The following PCDHGC5 variants were observed in gnomAD, a reference collection of about 807,000 sequenced individuals.
The protein encoded by PCDHGC5 is protocadherin gamma-C5.
Under a neutral mutation model 59.0 loss-of-function variants are expected in PCDHGC5, and 25 were observed. The ratio of observed to expected loss-of-function variants is 0.42; its 90% CI spans 0.31 to 0.59. PCDHGC5 has a LOEUF of 0.59. PCDHGC5 is among the 20% of genes least tolerant of loss of function. PCDHGC5 has a pLI of 0.13. For synonymous variants in PCDHGC5, 434 were observed against 505.5 expected (o/e 0.86, Z 1.90); for missense variants, 1,067 against 1,206.4 (o/e 0.88, Z 1.71).
rs1300601208 is a variant in PCDHGC5 at position 141,499,206 on chromosome 5, AC to A, written c.2519+4344del. On this transcript the variant is annotated intron_variant, in intron 2 of 3. Transcript: ENST00000252087. ...ACCATTTCCCCCTTCTTAGGCTGTA[AC>A]CCAGGCCCTGCCCTGCAGCTGTCCC... Among the ~76,000 whole-genome samples the A allele has an allele frequency of 3.3e-5, 5 of 152,062 alleles. No homozygotes were observed. In the East Asian group the frequency reaches 7.7e-4, roughly 24 times the overall value.
chr5:141,511,391 C>G lies in PCDHGC5; in HGVS notation c.*218C>G. ...TGCAAAAGCAGTTCCGCTGGGAACC[C>G]CCATCCAATCAACTGCTGTACCCAT... is the stretch of plus-strand genomic sequence containing the variant. On this transcript the variant is annotated 3_prime_UTR_variant, in exon 4 of 4. Coordinates refer to ENST00000252087, the MANE Select transcript of PCDHGC5 (RefSeq NM_018929.3). 2.8e-6 allele frequency: 3 copies of G among 1,079,748 alleles called. No homozygotes were observed. The highest frequency in any genetic ancestry group is 3.3e-5 in the South Asian group (2 of 60,136). The allele number at this position is 1,079,748 out of a possible 1,614,324, so 66.9% of individuals were successfully genotyped here. A position where few individuals can be genotyped will look rare whatever the true frequency, so the allele number is the denominator to read the frequency against.
At chr5:141,510,447 C>T (rs1270073364) in intron 3 of PCDHGC5, among the ~76,000 whole-genome samples, 1 of 152,026 alleles carries the variant, frequency 6.6e-6, no homozygotes, top group Non-Finnish European at 1.5e-5. Flanking sequence ...CTCCAGGAGC[C>T]CATGGTCTAG....
At chr5:141,499,648 CAT>C (rs1434824310) in intron 2 of PCDHGC5, among the ~76,000 whole-genome samples, 2 of 148,784 alleles carry the variant, frequency 1.3e-5, no homozygotes, top group Admixed American at 6.7e-5. Flanking sequence ...TCTCAGACAT[CAT>C]ATAATTTCAT....
intron 2 of PCDHGC5, among the ~76,000 whole-genome samples, chr5:141,504,713 G>A (rs1443171981): frequency 1.3e-5 from 2 of 151,850 alleles, no homozygotes; most frequent in African/African-American, 2.4e-5. Context: ...TATGGCCGTG[G>A]ATTTTACTCT....
At position 141,491,067 on chromosome 5, in the gene PCDHGC5, G is replaced by T. The variant is rs752758445; in HGVS notation, c.1827G>T (p.Leu609=). Residue 609 remains leucine, a synonymous_variant, in exon 1 of 4, where the codon CTG becomes CTT. Transcript: ENST00000252087. The surrounding 1 kb of genome is among the most constrained non-coding windows in gnomAD (Gnocchi z 6.9). Reference sequence around the variant, plus strand: ...ACAATGCGTGGCTCTCCTACTCACTGTTGCCACAGTCCACAGCCCCAGGAC... The same window carrying T: ...ACAATGCGTGGCTCTCCTACTCACTTTTGCCACAGTCCACAGCCCCAGGAC... ...AGHNAWLSYS[L]LPQSTAPGLF... 1.2e-6 allele frequency: 2 copies of T among 1,614,200 alleles called. No homozygotes were observed. The highest frequency in any genetic ancestry group is 1.7e-6 in the Non-Finnish European group (2 of 1,180,040).
intron 2 of PCDHGC5, 36 bp from the exon 3 acceptor site, chr5:141,505,357 T>A (rs1026098450): frequency 6.2e-7 from 1 of 1,613,762 alleles, no homozygotes; most frequent in African/African-American, 1.3e-5. Context: ...TGTGCCGGCC[T>A]GGGAGTCTGT....
In PCDHGC5 at chr5:141,489,189, C is replaced by A; in HGVS notation, c.-52C>A. 1 of 1,341,534 alleles carries A rather than the reference C, an allele frequency of 7.5e-7. No homozygotes were observed. The highest frequency in any genetic ancestry group is 1.0e-6 in the Non-Finnish European group (1 of 975,280). 83.1% of individuals were successfully genotyped at this position (1,341,534 alleles called of 1,614,324 possible). A position where few individuals can be genotyped will look rare whatever the true frequency, so the allele number is the denominator to read the frequency against. On this transcript the variant is annotated 5_prime_UTR_variant, in exon 1 of 4. Transcript: ENST00000252087. This position sits in a 1 kb window ranked among gnomAD's most constrained non-coding sequence, Gnocchi z 4.5. ...TGCTGCATTCCAAGCCCTGGGTCTA[C>A]CTTGGAGACAGGACAGCACAGACTT...
chr5:141,489,592 C>A lies in PCDHGC5; in HGVS notation c.352C>A (p.Arg118Ser), dbSNP rs747085985. The change falls in exon 1 of 4, where the codon CGT (arginine) becomes AGT (serine). Residue 118 changes from arginine to serine, a missense_variant. Coordinates refer to ENST00000252087, the MANE Select transcript of PCDHGC5 (RefSeq NM_018929.3). The surrounding 1 kb of genome is among the most constrained non-coding windows in gnomAD (Gnocchi z 4.5). ...VVTEHPLELIRVEVEILDLND... is the reference protein window; with the variant it reads ...VVTEHPLELISVEVEILDLND... ...GACTGAACACCCCCTGGAGCTAATCCGTGTAGAGGTAGAGATCCTGGATCT... is the reference window on the plus strand; with the variant it reads ...GACTGAACACCCCCTGGAGCTAATCAGTGTAGAGGTAGAGATCCTGGATCT... 3 of 1,614,046 alleles carry A rather than the reference C, an allele frequency of 1.9e-6. No homozygotes were observed. Among genetic ancestry groups the A allele is most frequent in the Non-Finnish European group, 2.5e-6 (3 of 1,179,978 alleles).
intron 2 of PCDHGC5, among the ~76,000 whole-genome samples, chr5:141,503,388 A>C (rs1456500896): frequency 6.6e-6 from 1 of 152,004 alleles, no homozygotes; most frequent in East Asian, 1.9e-4. Flanking sequence ...TGAGGTCAGG[A>C]GTTCGAAACC....
At chr5:141,503,802 G>A (rs2099831646) in intron 2 of PCDHGC5, among the ~76,000 whole-genome samples, 1 of 151,998 alleles carries the variant, frequency 6.6e-6, no homozygotes, top group South Asian at 2.1e-4. Context: ...CTTAGGGACG[G>A]GGAATCCCAG....
intron 3 of PCDHGC5, among the ~76,000 whole-genome samples, chr5:141,507,777 CT>C (rs1213538221): frequency 6.6e-6 from 1 of 152,220 alleles, no homozygotes; most frequent in Admixed American, 6.5e-5. Context: ...CACACAGGGC[CT>C]GACCCTCGTC....
rs750233767 is a variant in PCDHGC5 at position 141,490,877 on chromosome 5, C to A, written c.1637C>A (p.Ala546Asp). 1 of 1,613,880 alleles carries A rather than the reference C, an allele frequency of 6.2e-7. No individual in the cohort carries two copies. Among genetic ancestry groups the A allele is most frequent in the Non-Finnish European group, 8.5e-7 (1 of 1,179,900 alleles). The change falls in exon 1 of 4, where the codon GCC (alanine) becomes GAC (aspartate). Residue 546 changes from alanine (A) to aspartate (D), a missense_variant. Coordinates refer to ENST00000252087, the MANE Select transcript of PCDHGC5 (RefSeq NM_018929.3). This position sits in a 1 kb window ranked among gnomAD's most constrained non-coding sequence, Gnocchi z 5.4. ...VRDSGSPPLH[A>D]NTSLHVFVLD... Reference sequence around the variant, plus strand: ...GACTCCGGCTCTCCCCCATTGCATGCCAACACATCTCTGCATGTGTTTGTC... The same window carrying A: ...GACTCCGGCTCTCCCCCATTGCATGACAACACATCTCTGCATGTGTTTGTC...
At position 141,491,904 on chromosome 5, in the gene PCDHGC5, G is replaced by C; in HGVS notation, c.2460+204G>C. The C allele has an allele frequency of 7.0e-7, 1 of 1,423,838 alleles. No individual in the cohort carries two copies. The allele number at this position is 1,423,838 out of a possible 1,614,324, so 88.2% of individuals were successfully genotyped here. ...GGATGGGGCTCCGAGCACCGGGGGT[G>C]GTGGCGACTGTGGGCGAGGGGAGGT... On this transcript the variant is annotated intron_variant, in intron 1 of 3. Coordinates refer to ENST00000252087, the MANE Select transcript of PCDHGC5 (RefSeq NM_018929.3). This position sits in a 1 kb window ranked among gnomAD's most constrained non-coding sequence, Gnocchi z 6.9.
intron 3 of PCDHGC5, chr5:141,507,285 C>T (rs80317708): frequency 2.7e-5 from 4 of 150,212 alleles, no homozygotes; most frequent in African/African-American, 7.4e-5. Flanking sequence ...ATAAGTCAGT[C>T]TCAAATGTTG....
chr5:141,502,900 T>C (rs1433421797), intron 2 of PCDHGC5, among the ~76,000 whole-genome samples: 2 of 147,288 alleles, frequency 1.4e-5, no homozygotes, highest in Non-Finnish European at 3.0e-5. Flanking sequence ...TCTAGCTCTG[T>C]TGCCAGGCTG....
chr5:141,506,266 T>A (rs1397052417), intron 3 of PCDHGC5, among the ~76,000 whole-genome samples: 1 of 151,862 alleles, frequency 6.6e-6, no homozygotes, highest in Non-Finnish European at 1.5e-5. Context: ...CTGGCCAACA[T>A]AGTGAAACCC....
In PCDHGC5 at chr5:141,491,770, G is replaced by A; in HGVS notation, c.2460+70G>A. 6.4e-7 allele frequency: 1 copy of A among 1,560,888 alleles called. No individual in the cohort carries two copies. Among genetic ancestry groups the A allele is most frequent in the Non-Finnish European group, 8.7e-7 (1 of 1,154,942 alleles). On this transcript the variant is annotated intron_variant, in intron 1 of 3. Coordinates refer to ENST00000252087, the MANE Select transcript of PCDHGC5 (RefSeq NM_018929.3). This position sits in a 1 kb window ranked among gnomAD's most constrained non-coding sequence, Gnocchi z 6.9. ...TGGAGAAGCCGCCCGTCCTCATAAG[G>A]GATTGAACTTGCATCCACTCCTCTC...
At chr5:141,499,007 AG>A (rs2099788320) in intron 2 of PCDHGC5, among the ~76,000 whole-genome samples, 1 of 151,128 alleles carries the variant, frequency 6.6e-6, no homozygotes, top group Non-Finnish European at 1.5e-5. Flanking sequence ...GAAGGAAGGA[AG>A]GAAGGAAGGA....
In PCDHGC5 at chr5:141,491,715, G is replaced by A. The variant is rs1333909488; in HGVS notation, c.2460+15G>A. 1 of 1,607,782 alleles carries A rather than the reference G, an allele frequency of 6.2e-7. No individual in the cohort carries two copies. Among genetic ancestry groups the A allele is most frequent in the Admixed American group, 1.7e-5 (1 of 58,966 alleles). On this transcript the variant is annotated intron_variant, in intron 1 of 3. Transcript: ENST00000252087. This position sits in a 1 kb window ranked among gnomAD's most constrained non-coding sequence, Gnocchi z 6.9. ...AGCGGAGCCAGGTGAGGGGCTCGGC[G>A]CCGCCCCGGGCGACCCCTGGGGGCG...
Sources: allele counts gnomAD v4.1 joint callset (sites outside exome capture counted in the v4.1 genomes callset), GRCh38; gene constraint gnomAD v4.1.1; non-coding constraint Gnocchi (gnomAD v3.1); transcripts MANE v1.5; gene names NCBI Gene and HGNC (gene_info 2026-07-23, HGNC 2026-07-21).